IPO11: variants seen among roughly 807,000 people sequenced by gnomAD.
The protein encoded by IPO11 is importin-11.
Under a neutral mutation model 143.2 loss-of-function variants are expected in IPO11, and 66 were observed. The ratio of observed to expected loss-of-function variants is 0.46; its 90% CI spans 0.38 to 0.57. IPO11 has a LOEUF of 0.57. Among genes scored for constraint, IPO11 ranks in the 20% least tolerant of loss-of-function variants. The pLI is 0.00. For missense variants in IPO11, 1,026 were observed against 1,141.0 expected (o/e 0.90, Z 1.45); for synonymous variants, 385 against 377.8 (o/e 1.02, Z -0.22).
chr5:62,499,270 A>G (rs1580251315), intron 16 of IPO11, among the ~76,000 whole-genome samples: 1 of 152,222 alleles, frequency 6.6e-6, no homozygotes, highest in Admixed American at 6.5e-5. Flanking sequence ...TGTACTAAAT[A>G]CTTTAGGCAG....
intron 20 of IPO11, among the ~76,000 whole-genome samples, chr5:62,524,244 A>G (rs1406781349): frequency 6.6e-6 from 1 of 152,092 alleles, no homozygotes; most frequent in Non-Finnish European, 1.5e-5. Flanking sequence ...GCATTGATTA[A>G]GACAGTGTGT....
chr5:62,581,618 CTTAAAG>C (rs973344641), intron 27 of IPO11, among the ~76,000 whole-genome samples: 38 of 152,224 alleles, frequency 2.5e-4, no homozygotes, highest in African/African-American at 7.7e-4. Context: ...GGTGAGGAAA[CTTAAAG>C]TTTAAGTAAC....
At chr5:62,536,820 A>G in intron 23 of IPO11, 39 bp downstream of exon 23, 1 of 1,419,022 alleles carries the variant, frequency 7.0e-7, no homozygotes. Flanking sequence ...AAATTATATA[A>G]TTATTATTTT....
At chr5:62,544,135 G>T (rs1241462804) in intron 24 of IPO11, among the ~76,000 whole-genome samples, 1 of 151,964 alleles carries the variant, frequency 6.6e-6, no homozygotes, top group Non-Finnish European at 1.5e-5. Flanking sequence ...CCAAAGCCTG[G>T]CAGAGACACA....
At chr5:62,581,278 G>A in intron 27 of IPO11, 4 of 1,529,168 alleles carry the variant, frequency 2.6e-6, no homozygotes, top group Non-Finnish European at 3.5e-6. Flanking sequence ...TGAGGCACAG[G>A]TCATTCTTTT....
intron 27 of IPO11, among the ~76,000 whole-genome samples, chr5:62,570,847 C>G (rs1293945505): frequency 6.6e-6 from 1 of 152,212 alleles, no homozygotes; most frequent in Non-Finnish European, 1.5e-5. Context: ...TTAAACATAT[C>G]ACCTAAGAAA....
At position 62,561,126 on chromosome 5, in the gene IPO11, C is replaced by T; in HGVS notation, c.2461-10C>T. ...TAGGTATTTTGAGATGCCTCCTCCT[C>T]TTGTTTCAGATGGACCAGCTTTTGG... On this transcript the variant is annotated splice_polypyrimidine_tract_variant and intron_variant, in intron 26 of 29. Transcript: ENST00000325324. 1 of 1,598,984 alleles carries T rather than the reference C, an allele frequency of 6.3e-7. No individual in the cohort carries two copies. Among genetic ancestry groups the T allele is most frequent in the East Asian group, 2.3e-5 (1 of 44,186 alleles).
rs901359291 is a variant in IPO11, at chr5:62,580,382, T to C, written c.2583-11195T>C. ...TTAGATAGAAACAGAATAATTAGCA[T>C]TGATAATGATACATTTGAAAATATG... On this transcript the variant is annotated intron_variant, in intron 27 of 29. Coordinates refer to ENST00000325324, the MANE Select transcript of IPO11 (RefSeq NM_016338.5). 9 of 1,548,870 alleles carry C rather than the reference T, an allele frequency of 5.8e-6. No homozygotes were observed. The highest frequency in any genetic ancestry group is 2.7e-5 in the African/African-American group (2 of 72,986).
At position 62,442,952 on chromosome 5, in the gene IPO11, C is replaced by G. The variant is rs748206667; in HGVS notation, c.139-31C>G. On this transcript the variant is annotated intron_variant, in intron 2 of 29. Coordinates refer to ENST00000325324, the MANE Select transcript of IPO11 (RefSeq NM_016338.5). Reference sequence around the variant, plus strand: ...AATTATACTTTTTACTTATTCCATGCTAATTCTAATATTATGTTTTTTATT... The same window carrying G: ...AATTATACTTTTTACTTATTCCATGGTAATTCTAATATTATGTTTTTTATT... 2.5e-6 allele frequency: 3 copies of G among 1,224,390 alleles called. No homozygotes were observed. The African/African-American group carries it at 4.6e-5, about 19-fold the overall frequency. The allele number at this position is 1,224,390 out of a possible 1,614,324, so 75.8% of individuals were successfully genotyped here. A position where few individuals can be genotyped will look rare whatever the true frequency, so the allele number is the denominator to read the frequency against.
At chr5:62,479,655 T>C (rs573851775) in intron 9 of IPO11, among the ~76,000 whole-genome samples, 1 of 152,308 alleles carries the variant, frequency 6.6e-6, no homozygotes, top group Admixed American at 6.5e-5. Context: ...TGGTATCTCA[T>C]TGTGGTTTTG....
chr5:62,514,353 G>A (rs1213076760), intron 19 of IPO11, among the ~76,000 whole-genome samples: 1 of 152,070 alleles, frequency 6.6e-6, no homozygotes, highest in Non-Finnish European at 1.5e-5. Context: ...ACCTCGGGAG[G>A]CCGAGGCTGG....
intron 24 of IPO11, among the ~76,000 whole-genome samples, chr5:62,538,108 A>T (rs561686526): frequency 6.6e-6 from 1 of 152,212 alleles, no homozygotes; most frequent in Non-Finnish European, 1.5e-5. Context: ...TGAGAGCTGA[A>T]TTTCTATCAC....
At chr5:62,575,655 C>T (rs1371569496) in intron 27 of IPO11, among the ~76,000 whole-genome samples, 1 of 152,084 alleles carries the variant, frequency 6.6e-6, no homozygotes, top group South Asian at 2.1e-4. Context: ...ATGCATCTCT[C>T]GTTAGAATAT....
At chr5:62,611,353 G>A (rs1745921593) in intron 29 of IPO11, among the ~76,000 whole-genome samples, 3 of 152,188 alleles carry the variant, frequency 2.0e-5, no homozygotes, top group Admixed American at 2.0e-4. Flanking sequence ...TAAGGTAGCA[G>A]TTCTTCCTGT....
intron 27 of IPO11, among the ~76,000 whole-genome samples, chr5:62,581,974 C>T (rs1454878272): frequency 6.6e-6 from 1 of 152,100 alleles, no homozygotes; most frequent in Non-Finnish European, 1.5e-5. Flanking sequence ...GAGGGGTTAA[C>T]AGAAGAAAAC....
chr5:62,552,963 C>G lies in IPO11; in HGVS notation c.2460+1627C>G, dbSNP rs1277050922. Among the ~76,000 whole-genome samples, 2 of 152,188 alleles carry G rather than the reference C, an allele frequency of 1.3e-5. 1 individual carries two copies. Among genetic ancestry groups the G allele is most frequent in the East Asian group, 3.9e-4 (2 of 5,194 alleles). ...ACTTACTATTTCTCTGTATTGGGAACATACAACAGCCTCCTTCTAACTATT... is the reference window on the plus strand; with the variant it reads ...ACTTACTATTTCTCTGTATTGGGAAGATACAACAGCCTCCTTCTAACTATT... On this transcript the variant is annotated intron_variant, in intron 26 of 29. Transcript: ENST00000325324.
At chr5:62,577,404 C>T (rs1442513040) in intron 27 of IPO11, among the ~76,000 whole-genome samples, 2 of 152,056 alleles carry the variant, frequency 1.3e-5, no homozygotes, top group Non-Finnish European at 2.9e-5. Flanking sequence ...TTAATTCATA[C>T]TCTGGTTATA....
At chr5:62,435,052 A>ATATATATG (rs1452766810) in intron 1 of IPO11, among the ~76,000 whole-genome samples, 94 of 123,136 alleles carry the variant, frequency 7.6e-4, no homozygotes, top group South Asian at 1.7e-3. Flanking sequence ...GTATATGTGT[A>ATATATATG]TATATATATG....
At chr5:62,445,628 AAATT>A (rs1252961434) in intron 3 of IPO11, among the ~76,000 whole-genome samples, 1 of 152,168 alleles carries the variant, frequency 6.6e-6, no homozygotes, top group South Asian at 2.1e-4. Flanking sequence ...AGTGTTCAAT[AAATT>A]AACATGAGAT....
Sources: gnomAD v4.1 joint callset for allele counts (sites outside exome capture counted in the v4.1 genomes callset) on GRCh38, gnomAD v4.1.1 for gene constraint, MANE v1.5 for transcripts, NCBI Gene and HGNC (gene_info 2026-07-23, HGNC 2026-07-21) for gene names.